CACNA1H: variants seen among roughly 807,000 people sequenced by gnomAD.
CACNA1H encodes voltage-dependent T-type calcium channel subunit alpha-1H.
CACNA1H carries 149 observed loss-of-function variants against 192.5 expected under a neutral mutation model. That is an observed-to-expected ratio of 0.77 (90% confidence interval 0.68 to 0.89). The LOEUF (loss-of-function observed/expected upper bound fraction) is 0.89, where lower values mean the gene tolerates loss of function less well. CACNA1H is among the 40% of genes least tolerant of loss of function. The pLI, the probability that CACNA1H is intolerant of heterozygous loss-of-function variation, is 0.00. For synonymous variants in CACNA1H, 2,202 were observed against 1,475.2 expected, an observed-to-expected ratio of 1.49 and a Z score of -11.29; for missense variants, 4,257 against 3,423.5, an observed-to-expected ratio of 1.24 and a Z score of -6.08.
At chr16:1,178,635 C>T (rs1018056607) in intron 2 of CACNA1H, among the ~76,000 whole-genome samples, 9 of 152,152 alleles carry the variant, frequency 5.9e-5, no homozygotes, top group African/African-American at 2.2e-4. Flanking sequence ...GTTGCTTCAG[C>T]CGCCGCCATC....
rs539827298 is a variant in CACNA1H at position 1,213,938 on chromosome 16, G to T, written c.4929+7G>T. On this transcript the variant is annotated splice_region_variant and intron_variant, in intron 27 of 34. Coordinates refer to ENST00000348261, the MANE Select transcript of CACNA1H (RefSeq NM_021098.3). ...GCACTATAACCAACCCAAGGTGGGT[G>T]CGAGGGGGCCGCGAGGGGCCCAGGG... 21 of 1,608,268 alleles carry T rather than the reference G, an allele frequency of 1.3e-5. No homozygotes were observed. In the African/African-American group the frequency reaches 2.3e-4, roughly 17 times the overall value.
Position 1,201,502 on chromosome 16 carries a change from G to A in CACNA1H, c.1213-161G>A, listed in dbSNP as rs945252290. Among the ~76,000 whole-genome samples, 16 of 152,162 alleles carry A rather than the reference G, an allele frequency of 1.1e-4. 1 individual carries two copies. Among genetic ancestry groups the A allele is most frequent in the South Asian group, 6.2e-4 (3 of 4,834 alleles). On this transcript the variant is annotated intron_variant, in intron 8 of 34. Transcript: ENST00000348261. ...GTATGCCGTCTGCTCCAGACGTGGG[G>A]GCTCAGCACTGAACACCGCAGCAGC...
Position 1,221,047 on chromosome 16 carries a change from T to A in CACNA1H, c.*53T>A. On this transcript the variant is annotated 3_prime_UTR_variant, in exon 35 of 35. Transcript: ENST00000348261. ...TGGCCCTGGGGTCTGGGGGCCCCGC[T>A]GGGGTGGAGGCCCAGGCAGAACCCT... 5.0e-6 allele frequency: 7 copies of A among 1,388,210 alleles called. No homozygotes were observed. Among genetic ancestry groups the A allele is most frequent in the Non-Finnish European group, 6.8e-6 (7 of 1,033,724 alleles). The allele number at this position is 1,388,210 out of a possible 1,614,324, so 86.0% of individuals were successfully genotyped here.
At position 1,211,262 on chromosome 16, in the gene CACNA1H, T is replaced by A. The variant is rs545262024; in HGVS notation, c.4318T>A (p.Phe1440Ile). ...IGNIVLICCA[F>I]FIIFGILGVQ... Reference sequence around the variant, plus strand: ...GAACATCGTCCTCATCTGCTGCGCCTTCTTCATCATTTTTGGCATTTTGGG... The same window carrying A: ...GAACATCGTCCTCATCTGCTGCGCCATCTTCATCATTTTTGGCATTTTGGG... The change falls in exon 22 of 35, where the codon TTC becomes ATC. Residue 1440 changes from phenylalanine to isoleucine, a missense_variant. Transcript: ENST00000348261. 7 of 1,613,116 alleles carry A rather than the reference T, an allele frequency of 4.3e-6. No homozygotes were observed. The highest frequency in any genetic ancestry group is 5.9e-6 in the Non-Finnish European group (7 of 1,179,748).
Position 1,209,290 on chromosome 16 carries a change from G to T in CACNA1H, c.3622G>T (p.Ala1208Ser). The T allele has an allele frequency of 6.3e-7, 1 of 1,577,374 alleles. No homozygotes were observed. Among genetic ancestry groups the T allele is most frequent in the Non-Finnish European group, 8.6e-7 (1 of 1,168,694 alleles). ...SLDPRPLRPA[A>S]LPPTKCRDRD... is the part of the protein sequence containing the mutation. ...GGACCCACGGCCCCTGCGGCCGGCC[G>T]CCCTCCCGCCTACCAAGTGCCGCGA... Residue 1208 changes from alanine (A) to serine (S), a missense_variant, in exon 17 of 35, where the codon GCC becomes TCC. Coordinates refer to ENST00000348261, the MANE Select transcript of CACNA1H (RefSeq NM_021098.3).
chr16:1,167,494 G>A lies in CACNA1H; in HGVS notation c.299+13458G>A, dbSNP rs1963916514. Among the ~76,000 whole-genome samples, 1 of 152,178 alleles carries A rather than the reference G, an allele frequency of 6.6e-6. No homozygotes were observed. The highest frequency in any genetic ancestry group is 6.5e-5 in the Admixed American group (1 of 15,282). Reference sequence around the variant, plus strand: ...AATTATTAATGAGCTTGGTGCGGTTGCCATGGGAACCTGTTGCTAATGAAT... The same window carrying A: ...AATTATTAATGAGCTTGGTGCGGTTACCATGGGAACCTGTTGCTAATGAAT... On this transcript the variant is annotated intron_variant, in intron 2 of 34. Transcript: ENST00000348261. This position sits in a 1 kb window ranked among gnomAD's most constrained non-coding sequence, Gnocchi z 4.2.
chr16:1,206,305 C>T lies in CACNA1H; in HGVS notation c.2789+16C>T, dbSNP rs59952053. On this transcript the variant is annotated intron_variant, in intron 12 of 34. Transcript: ENST00000348261. ...TCATCTTCAGGTGGGCGCAACCCCC[C>T]TCCCGGCCCGCCCAGTGTCTCACCC... 7 of 1,547,212 alleles carry T rather than the reference C, an allele frequency of 4.5e-6. No homozygotes were observed. The highest frequency in any genetic ancestry group is 5.2e-6 in the Non-Finnish European group (6 of 1,145,706).
intron 17 of CACNA1H, 29 bp downstream of exon 17, chr16:1,209,441 G>T (rs192641890): frequency 6.3e-7 from 1 of 1,589,542 alleles, no homozygotes; most frequent in African/African-American, 1.3e-5. Flanking sequence ...GCCCACCGCC[G>T]ACTCGCCTTC....
chr16:1,195,619 C>A, intron 4 of CACNA1H, 54 bp downstream of exon 4: 1 of 1,550,938 alleles, frequency 6.4e-7, no homozygotes, highest in African/African-American at 1.4e-5. Flanking sequence ...CCGCCCACCC[C>A]ACAGGGATCC....
chr16:1,217,000 C>G lies in CACNA1H; in HGVS notation c.5313C>G (p.Phe1771Leu), dbSNP rs372640825. 1.3e-6 allele frequency: 2 copies of G among 1,594,222 alleles called. No individual in the cohort carries two copies. The highest frequency in any genetic ancestry group is 1.8e-5 in the Admixed American group (1 of 56,820). ...ATGCTGCGCTGGGAGTGGAGCTGTT[C>G]GGGAGGCTGGGTGAGTGGCTCCTGC... ...FIYAALGVEL[F>L]GRLECSEDNP... Residue 1771 changes from phenylalanine (F) to leucine (L), a missense_variant, in exon 31 of 35, where the codon TTC (phenylalanine) becomes TTG (leucine). Phe to Leu is a conservative substitution (Grantham distance 22). Transcript: ENST00000348261.
rs1421031870 is a variant in CACNA1H, at chr16:1,201,965, C to T, written c.1515C>T (p.Arg505=). The T allele has an allele frequency of 1.9e-6, 3 of 1,544,646 alleles. No individual in the cohort carries two copies. Among genetic ancestry groups the T allele is most frequent in the African/African-American group, 1.4e-5 (1 of 72,936 alleles). Residue 505 remains arginine, a synonymous_variant, in exon 9 of 35, where the codon CGC becomes CGT. Coordinates refer to ENST00000348261, the MANE Select transcript of CACNA1H (RefSeq NM_021098.3). ...VQGQGPGHRQ[R]RAGRHTASVH... is the part of the protein sequence containing the mutation. The stretch of plus-strand genomic sequence containing the variant: ...GCCAGGGTCCCGGGCACCGCCAGCG[C>T]CGGGCAGGCAGGCACACAGCCTCGG...
chr16:1,177,990 G>T (rs1425380433), intron 2 of CACNA1H, among the ~76,000 whole-genome samples: 1 of 84,128 alleles, frequency 1.2e-5, no homozygotes, highest in Admixed American at 1.2e-4. Context: ...GGTCTCTCCC[G>T]CCCCCTCTCC....
intron 2 of CACNA1H, among the ~76,000 whole-genome samples, chr16:1,174,193 C>A (rs1964642541): frequency 6.6e-6 from 1 of 152,134 alleles, no homozygotes; most frequent in Admixed American, 6.5e-5. Context: ...GTCCTGGCGG[C>A]CTCAGTTTGC....
intron 9 of CACNA1H, among the ~76,000 whole-genome samples, chr16:1,202,922 G>A (rs1381242339): frequency 6.6e-6 from 1 of 152,100 alleles, no homozygotes; most frequent in Non-Finnish European, 1.5e-5. Flanking sequence ...GAGTCAGGAA[G>A]AGAGGCTGGC....
chr16:1,218,501 A>C lies in CACNA1H; in HGVS notation c.5737A>C (p.Asn1913His). The change falls in exon 33 of 35, where the codon AAC (asparagine) becomes CAC (histidine). Residue 1913 changes from asparagine (N) to histidine (H), a missense_variant. Transcript: ENST00000348261. ...QESPGARDAPNLVARKVSVSR... is the reference protein window; with the variant it reads ...QESPGARDAPHLVARKVSVSR... Reference sequence around the variant, plus strand: ...GAGTCCGGGCGCCAGGGACGCCCCAAACCTGGTTGCACGCAAGGTGTCCGT... The same window carrying C: ...GAGTCCGGGCGCCAGGGACGCCCCACACCTGGTTGCACGCAAGGTGTCCGT... The C allele has an allele frequency of 6.4e-7, 1 of 1,552,930 alleles. No homozygotes were observed. The highest frequency in any genetic ancestry group is 8.7e-7 in the Non-Finnish European group (1 of 1,148,540).
At chr16:1,190,010 T>G (rs886710679) in intron 2 of CACNA1H, among the ~76,000 whole-genome samples, 1 of 152,212 alleles carries the variant, frequency 6.6e-6, no homozygotes, top group Non-Finnish European at 1.5e-5. Flanking sequence ...ACTGAGGTCC[T>G]GGGGCTTGGT....
intron 2 of CACNA1H, among the ~76,000 whole-genome samples, chr16:1,164,676 C>G (rs1228773354): frequency 6.6e-6 from 1 of 152,224 alleles, no homozygotes; most frequent in Non-Finnish European, 1.5e-5. Flanking sequence ...GAGGCCTTTC[C>G]GTCGGAGACC....
chr16:1,188,711 C>T (rs1966305869), intron 2 of CACNA1H, among the ~76,000 whole-genome samples: 1 of 152,206 alleles, frequency 6.6e-6, no homozygotes, highest in African/African-American at 2.4e-5. Flanking sequence ...TCCTCGACTA[C>T]CCCCAGATGA....
chr16:1,209,550 C>T (rs1424425321), intron 17 of CACNA1H, 138 bp downstream of exon 17: 4 of 1,055,604 alleles, frequency 3.8e-6, no homozygotes, highest in Non-Finnish European at 5.5e-6. Context: ...CAGGCCAGGC[C>T]AGGGAGGAAT....
Sources: gnomAD v4.1 joint callset for allele counts (sites outside exome capture counted in the v4.1 genomes callset) on GRCh38, gnomAD v4.1.1 for gene constraint, Gnocchi (gnomAD v3.1) non-coding constraint, MANE v1.5 for transcripts, NCBI Gene and HGNC (gene_info 2026-07-23, HGNC 2026-07-21) for gene names.